C5: variants seen among roughly 807,000 people sequenced by gnomAD.
C5 encodes C3 and PZP-like alpha-2-macroglobulin domain-containing protein 4.
C5 carries 140 observed loss-of-function variants against 218.8 expected under a neutral mutation model. That is an observed-to-expected ratio of 0.64 (90% CI 0.56 to 0.74). C5 has a LOEUF of 0.74. Among genes scored for constraint, C5 ranks in the 30% least tolerant of loss-of-function variants. C5 has a pLI of 0.00. For missense variants in C5, 1,700 were observed against 1,969.6 expected (o/e 0.86, Z 2.59); for synonymous variants, 614 against 682.3 (o/e 0.90, Z 1.56).
At chr9:121,030,552 A>G in intron 6 of C5, 65 bp from the exon 7 acceptor site, 1 of 876,396 alleles carries the variant, frequency 1.1e-6, no homozygotes, top group South Asian at 1.6e-5. Flanking sequence ...AGCCTAGCAA[A>G]CAGCTAGACT....
chr9:120,974,861 T>C lies in C5; in HGVS notation c.3935A>G (p.Asp1312Gly). The C allele has an allele frequency of 6.2e-7, 1 of 1,613,644 alleles. No homozygotes were observed. Among genetic ancestry groups the C allele is most frequent in the Non-Finnish European group, 8.5e-7 (1 of 1,179,532 alleles). ...LLVKQLRLSM[D>G]IDVSYKHKGA... is the part of the protein sequence containing the mutation. ...TTTATGCTTGTAAGAAACATCGATGTCCATACTCAAGCGGAGTTGTTTAAC... is the reference window on the plus strand; with the variant it reads ...TTTATGCTTGTAAGAAACATCGATGCCCATACTCAAGCGGAGTTGTTTAAC... Residue 1312 changes from aspartate to glycine, a missense_variant, in exon 30 of 41, where the codon GAC becomes GGC. Physicochemically the swap from Asp to Gly is moderately conservative, Grantham distance 94. Coordinates refer to ENST00000223642, the MANE Select transcript of C5 (RefSeq NM_001735.3).
intron 38 of C5, 67 bp from the exon 39 acceptor site, chr9:120,957,435 G>T: frequency 8.3e-7 from 1 of 1,208,952 alleles, no homozygotes; most frequent in African/African-American, 1.5e-5. Flanking sequence ...TCCAGTAGAA[G>T]CCAGAATTTG....
rs542044442 is a variant in C5 at position 121,041,640 on chromosome 9, C to G, written c.421+1364G>C. ...TGATAACCGAGGAAGGTCCCAGCCT[C>G]TGGATATTACACTGCTTACTGGACA... On this transcript the variant is annotated intron_variant, in intron 3 of 40. Transcript: ENST00000223642. Among the ~76,000 whole-genome samples, 12 of 152,210 alleles carry G rather than the reference C, an allele frequency of 7.9e-5. No individual in the cohort carries two copies. The South Asian group carries it at 2.5e-3, about 32-fold the overall frequency.
Position 121,023,443 on chromosome 9 carries a change from A to G in C5, c.1077T>C (p.Thr359=). The G allele has an allele frequency of 6.2e-7, 1 of 1,613,800 alleles. No homozygotes were observed. Among genetic ancestry groups the G allele is most frequent in the Non-Finnish European group, 8.5e-7 (1 of 1,179,640 alleles). The part of the protein sequence containing the change: ...LSPYKLNLVA[T]PLFLKPGIPY... ...GAATCCCAGGCTTCAGGAAAAGAGG[A>G]GTAGCAACCAAATTCAGTTTGTAGG... is the stretch of plus-strand genomic sequence containing the variant. Residue 359 remains threonine (T), a synonymous_variant, in exon 10 of 41, where the codon ACT becomes ACC. Transcript: ENST00000223642.
At chr9:120,997,413 TG>T in intron 21 of C5, 133 bp downstream of exon 21, 1 of 696,730 alleles carries the variant, frequency 1.4e-6, no homozygotes, top group Non-Finnish European at 2.4e-6. Context: ...AAAAAAAATC[TG>T]GAATAACCTC....
chr9:121,065,569 C>A, the C5 span, among the ~76,000 whole-genome samples: 4 of 152,214 alleles, frequency 2.6e-5, no homozygotes, highest in Non-Finnish European at 5.9e-5. Flanking sequence ...CAGCTCACTG[C>A]AGCCTCGAAT....
chr9:121,054,157 C>T (rs778019129), upstream of C5, among the ~76,000 whole-genome samples: 6 of 152,134 alleles, frequency 3.9e-5, no homozygotes, highest in Non-Finnish European at 2.9e-5. Context: ...TTAGGCACAA[C>T]TGACCAGCAT....
intron 12 of C5, 37 bp downstream of exon 12, chr9:121,019,938 TG>T: frequency 7.7e-7 from 1 of 1,302,480 alleles, no homozygotes; most frequent in Non-Finnish European, 1.1e-6. Flanking sequence ...ATGTTCCAGG[TG>T]GGGGAATAAG....
chr9:120,984,252 G>T (rs76924528), intron 25 of C5, among the ~76,000 whole-genome samples: 2,988 of 152,034 alleles, frequency 0.02, 97 homozygotes, highest in African/African-American at 0.069. Context: ...ACAACTAGGT[G>T]CCTTTTCCTA....
intron 3 of C5, 89 bp downstream of exon 3, chr9:121,042,915 C>T: frequency 9.7e-7 from 1 of 1,027,582 alleles, no homozygotes; most frequent in Non-Finnish European, 1.5e-6. Flanking sequence ...AACCGATCTC[C>T]ACTCAATTTC....
chr9:121,017,915 C>T (rs2047322632), intron 12 of C5, 63 bp from the exon 13 acceptor site: 1 of 1,028,238 alleles, frequency 9.7e-7, no homozygotes, highest in African/African-American at 1.6e-5. Flanking sequence ...AAAACCTGTG[C>T]TTTAGGATGC....
intron 21 of C5, among the ~76,000 whole-genome samples, chr9:120,997,124 A>C (rs2047123270): frequency 2.0e-5 from 3 of 151,940 alleles, no homozygotes; most frequent in Admixed American, 2.0e-4. Flanking sequence ...TTATTGTTTT[A>C]TCTCCAGTTC....
In C5 at chr9:120,976,837, C is replaced by T; in HGVS notation, c.3727G>A (p.Gly1243Ser). ...QHKDSSVPNT[G>S]TARMVETTAY... ...GTTGTTTCTACCATACGTGCCGTAC[C>T]AGTGTTAGGTACAGAGCTGTCTTTA... The change falls in exon 29 of 41, where the codon GGT (glycine) becomes AGT (serine). Residue 1243 changes from glycine (G) to serine (S), a missense_variant. By Grantham distance (56) the Gly-to-Ser change is moderately conservative. Coordinates refer to ENST00000223642, the MANE Select transcript of C5 (RefSeq NM_001735.3). The T allele has an allele frequency of 6.2e-7, 1 of 1,614,082 alleles. No individual in the cohort carries two copies. The highest frequency in any genetic ancestry group is 8.5e-7 in the Non-Finnish European group (1 of 1,179,976).
chr9:121,071,869 A>AAAAG, the C5 span, among the ~76,000 whole-genome samples: 1,247 of 151,730 alleles, frequency 8.2e-3, 10 homozygotes, highest in East Asian at 0.031. Flanking sequence ...TTTGGAAAAA[A>AAAAG]GACTGAGTAA....
chr9:121,002,316 G>GTATATATATATATA (rs71370614), intron 20 of C5, among the ~76,000 whole-genome samples: 32 of 87,374 alleles, frequency 3.7e-4, no homozygotes, highest in African/African-American at 1.3e-3. Context: ...ATATGTGTGT[G>GTATATATATATATA]TATATATATA....
chr9:121,020,543 A>G (rs1661861106), intron 11 of C5, among the ~76,000 whole-genome samples: 1 of 152,172 alleles, frequency 6.6e-6, no homozygotes, highest in African/African-American at 2.4e-5. Context: ...GGGGTAGGAG[A>G]AGGGAAGTAG....
At chr9:121,047,816 C>T (rs761205070) in intron 1 of C5, among the ~76,000 whole-genome samples, 1 of 152,178 alleles carries the variant, frequency 6.6e-6, no homozygotes, top group Non-Finnish European at 1.5e-5. Context: ...CCCTTCCCCA[C>T]ATGCCTAGTA....
intron 6 of C5, among the ~76,000 whole-genome samples, chr9:121,030,821 G>T (rs1306399472): frequency 1.3e-5 from 2 of 152,164 alleles, no homozygotes; most frequent in South Asian, 2.1e-4. Context: ...AATGAAATTT[G>T]CATTTCAAGA....
At chr9:120,961,708 T>C in intron 36 of C5, 143 bp from the exon 37 acceptor site, 2 of 694,478 alleles carry the variant, frequency 2.9e-6, no homozygotes, top group Admixed American at 4.1e-5. Context: ...GGAGGTAAAA[T>C]TATGAATTGG....
Sources: allele counts gnomAD v4.1 joint callset (sites outside exome capture counted in the v4.1 genomes callset), GRCh38; gene constraint gnomAD v4.1.1; transcripts MANE v1.5; gene names NCBI Gene and HGNC (gene_info 2026-07-23, HGNC 2026-07-21).